The following SRRM3 variants were observed in gnomAD, a reference collection of about 807,000 sequenced individuals.
SRRM3 encodes the protein serine/arginine repetitive matrix 3.
A neutral mutation model predicts 66.2 loss-of-function variants in SRRM3; 27 were observed. The observed-to-expected ratio is 0.41, with a 90% CI of 0.30 to 0.56. The LOEUF is 0.56. SRRM3 is among the 20% of genes least tolerant of loss of function. The probability of loss-of-function intolerance (pLI) is 0.32; values close to 1 mark genes in which losing one functional copy is unlikely to be tolerated. For missense variants in SRRM3, 918 were observed against 991.9 expected (o/e 0.93, Z 1.00); for synonymous variants, 391 against 414.9 (o/e 0.94, Z 0.70).
intron 1 of SRRM3, among the ~76,000 whole-genome samples, chr7:76,233,306 C>T (rs1366794663): frequency 2.0e-5 from 3 of 152,120 alleles, no homozygotes; most frequent in African/African-American, 7.2e-5. Context: ...GAGTGAGACC[C>T]TGTCTCAAAA....
chr7:76,260,255 A>G, intron 5 of SRRM3, 58 bp downstream of exon 5: 1 of 1,338,672 alleles, frequency 7.5e-7, no homozygotes, highest in African/African-American at 1.5e-5. Flanking sequence ...CTCTCCCCGG[A>G]TGCCCGTCCC....
chr7:76,275,105 C>CAAAAAAA (rs199917871), intron 11 of SRRM3, among the ~76,000 whole-genome samples: 1 of 85,614 alleles, frequency 1.2e-5, no homozygotes, highest in Non-Finnish European at 2.4e-5. Context: ...GACTCAGTCT[C>CAAAAAAA]AAAAAAAAAA....
In SRRM3 at chr7:76,248,200, G is replaced by A; in HGVS notation, c.246G>A (p.Glu82=). ...EMMEEQGYSE[E]EIRQKVGTFR... The stretch of plus-strand genomic sequence containing the variant: ...TGTGCCCCTGCAGGTATTCGGAGGA[G>A]GAGATTCGGCAGAAAGTGGGGACAT... Residue 82 remains glutamate, a synonymous_variant, in exon 3 of 15, where the codon GAG becomes GAA. Coordinates refer to ENST00000611745, the MANE Select transcript of SRRM3 (RefSeq NM_001110199.3). 2 of 1,613,446 alleles carry A rather than the reference G, an allele frequency of 1.2e-6. No individual in the cohort carries two copies. The highest frequency in any genetic ancestry group is 1.7e-6 in the Non-Finnish European group (2 of 1,179,706).
chr7:76,267,704 A>G (rs1481065524), intron 11 of SRRM3: 6 of 362,330 alleles, frequency 1.7e-5, no homozygotes, highest in Middle Eastern at 7.1e-4. Flanking sequence ...TGAAGGCCAG[A>G]GGGGGGTTGA....
intron 1 of SRRM3, among the ~76,000 whole-genome samples, chr7:76,226,843 G>T (rs1201768369): frequency 1.3e-5 from 2 of 151,864 alleles, no homozygotes; most frequent in Non-Finnish European, 2.9e-5. Flanking sequence ...CACCTGCTTC[G>T]GCCTCCCAAA....
chr7:76,206,663 C>T (rs2116923779), intron 1 of SRRM3, among the ~76,000 whole-genome samples: 1 of 152,332 alleles, frequency 6.6e-6, no homozygotes. Flanking sequence ...GGCTGCCTCA[C>T]TGACTGTTAG....
At chr7:76,240,179 C>CAAT (rs781843298) in intron 2 of SRRM3, among the ~76,000 whole-genome samples, 109 of 148,876 alleles carry the variant, frequency 7.3e-4, no homozygotes, top group East Asian at 3.8e-3. Flanking sequence ...ATAATAATAA[C>CAAT]AATAATAATA....
At chr7:76,270,075 G>T (rs546385279) in intron 11 of SRRM3, 2 of 152,110 alleles carry the variant, frequency 1.3e-5, no homozygotes, top group African/African-American at 4.8e-5. Flanking sequence ...TGGAGCTGCC[G>T]CAGATTTTAA....
intron 11 of SRRM3, chr7:76,269,975 T>TAA (rs1248458861): frequency 6.6e-6 from 1 of 151,672 alleles, no homozygotes; most frequent in Non-Finnish European, 1.5e-5. Flanking sequence ...AAAGGGAAGA[T>TAA]AACTCTAAAA....
At chr7:76,234,019 T>C (rs1446984457) in intron 1 of SRRM3, among the ~76,000 whole-genome samples, 3 of 152,064 alleles carry the variant, frequency 2.0e-5, no homozygotes, top group African/African-American at 7.2e-5. Flanking sequence ...CGATCCAAGA[T>C]GTCCAGGCAT....
At chr7:76,250,047 T>TA (rs1279000924) in intron 3 of SRRM3, among the ~76,000 whole-genome samples, 1 of 150,702 alleles carries the variant, frequency 6.6e-6, no homozygotes, top group Non-Finnish European at 1.5e-5. Context: ...ATTTATTTAT[T>TA]TTTATTTATT....
chr7:76,210,520 A>G (rs1199939670), intron 1 of SRRM3, among the ~76,000 whole-genome samples: 2 of 152,066 alleles, frequency 1.3e-5, no homozygotes, highest in Non-Finnish European at 2.9e-5. Context: ...GCTCTTCCCC[A>G]CTTAAAAGCT....
intron 11 of SRRM3, among the ~76,000 whole-genome samples, chr7:76,280,296 A>G (rs1325065620): frequency 6.6e-6 from 1 of 151,846 alleles, no homozygotes; most frequent in Non-Finnish European, 1.5e-5. Flanking sequence ...ACATTTGTGG[A>G]TTTTGTTTTT....
chr7:76,211,250 T>C (rs1583865041), intron 1 of SRRM3, among the ~76,000 whole-genome samples: 2 of 152,166 alleles, frequency 1.3e-5, no homozygotes, highest in Admixed American at 1.3e-4. Flanking sequence ...GCTCGTAGAA[T>C]GAATGCAGGT....
intron 3 of SRRM3, among the ~76,000 whole-genome samples, chr7:76,258,759 G>GGAA (rs1289900100): frequency 1.6e-5 from 2 of 127,886 alleles, no homozygotes; most frequent in Non-Finnish European, 3.4e-5. Context: ...AAAAAAAAAA[G>GGAA]GAAGAAATTA....
At chr7:76,260,694 C>T (rs1801841878) in intron 5 of SRRM3, among the ~76,000 whole-genome samples, 180 bp from the exon 6 acceptor site, 1 of 152,044 alleles carries the variant, frequency 6.6e-6, no homozygotes, top group Non-Finnish European at 1.5e-5. Context: ...CTCTGCCCTC[C>T]CAGGGGTCCC....
chr7:76,214,873 T>C (rs532746867), intron 1 of SRRM3, among the ~76,000 whole-genome samples: 1 of 152,136 alleles, frequency 6.6e-6, no homozygotes, highest in African/African-American at 2.4e-5. Context: ...CCTCTCAAAG[T>C]TCTGGGATTA....
At chr7:76,266,623 AAT>A (rs1316373713) in intron 10 of SRRM3, among the ~76,000 whole-genome samples, 19 of 129,384 alleles carry the variant, frequency 1.5e-4, no homozygotes, top group African/African-American at 5.2e-4. Flanking sequence ...GTTATATATT[AAT>A]ATATATTTAA....
At chr7:76,240,811 C>A (rs1801276121) in intron 2 of SRRM3, among the ~76,000 whole-genome samples, 1 of 152,038 alleles carries the variant, frequency 6.6e-6, no homozygotes, top group African/African-American at 2.4e-5. Context: ...AACACGTGGG[C>A]CAAGAGGCTG....
Sources: allele counts gnomAD v4.1 joint callset (sites outside exome capture counted in the v4.1 genomes callset), GRCh38; gene constraint gnomAD v4.1.1; transcripts MANE v1.5; gene names NCBI Gene and HGNC (gene_info 2026-07-23, HGNC 2026-07-21).